UNC5D: variants seen among roughly 807,000 people sequenced by gnomAD.
The protein encoded by UNC5D is netrin receptor UNC5D.
Under a neutral mutation model 105.4 loss-of-function variants are expected in UNC5D, and 39 were observed. The ratio of observed to expected loss-of-function variants is 0.37; its 90% CI spans 0.29 to 0.48. The LOEUF (loss-of-function observed/expected upper bound fraction) is 0.48, where lower values mean the gene tolerates loss of function less well. UNC5D is among the 20% of genes least tolerant of loss of function. The pLI is 0.98. For synonymous variants in UNC5D, 452 were observed against 450.4 expected (o/e 1.00, Z -0.04); for missense variants, 991 against 1,202.4 (o/e 0.82, Z 2.60).
intron 1 of UNC5D, among the ~76,000 whole-genome samples, chr8:35,412,220 T>C (rs1805220655): frequency 6.6e-6 from 1 of 152,032 alleles, no homozygotes; most frequent in Non-Finnish European, 1.5e-5. Context: ...TTATTCTAAT[T>C]TTAGAACCCT....
chr8:35,492,096 C>CT (rs547762251), intron 1 of UNC5D, among the ~76,000 whole-genome samples: 202 of 141,744 alleles, frequency 1.4e-3, no homozygotes, highest in African/African-American at 2.7e-3. Context: ...CACTTTTCTT[C>CT]TTTTTTTTTT....
chr8:35,732,902 G>A (rs750346081), intron 11 of UNC5D, among the ~76,000 whole-genome samples: 10 of 152,090 alleles, frequency 6.6e-5, no homozygotes, highest in Non-Finnish European at 8.8e-5. Flanking sequence ...GAACTCACAA[G>A]AGCCCAAAGA....
chr8:35,329,898 G>A (rs1810480284), intron 1 of UNC5D, among the ~76,000 whole-genome samples: 1 of 152,076 alleles, frequency 6.6e-6, no homozygotes, highest in Admixed American at 6.5e-5. Context: ...TATTCAACTT[G>A]TAATAATAAT....
chr8:35,505,361 A>G (rs919692964), intron 1 of UNC5D, among the ~76,000 whole-genome samples: 1 of 151,878 alleles, frequency 6.6e-6, no homozygotes, highest in Non-Finnish European at 1.5e-5. Flanking sequence ...TCTTAGTACA[A>G]TTGAATGGCC....
intron 1 of UNC5D, among the ~76,000 whole-genome samples, chr8:35,401,921 T>C (rs572828499): frequency 6.6e-6 from 1 of 152,340 alleles, no homozygotes; most frequent in African/African-American, 2.4e-5. Context: ...TGGACTGTGT[T>C]CTTAGTGAGA....
intron 1 of UNC5D, among the ~76,000 whole-genome samples, chr8:35,400,286 G>A (rs974521725): frequency 5.9e-5 from 9 of 151,854 alleles, no homozygotes; most frequent in Admixed American, 5.9e-4. Context: ...AAATCCAAAT[G>A]CATTTTAATA....
chr8:35,488,070 C>T (rs1274422081), intron 1 of UNC5D, among the ~76,000 whole-genome samples: 1 of 152,152 alleles, frequency 6.6e-6, no homozygotes, highest in East Asian at 1.9e-4. Context: ...AAGCAAAAAT[C>T]AGAACATGAA....
At chr8:35,419,251 G>A (rs1805729175) in intron 1 of UNC5D, among the ~76,000 whole-genome samples, 1 of 152,152 alleles carries the variant, frequency 6.6e-6, no homozygotes, top group South Asian at 2.1e-4. Context: ...TTTTGGTGCT[G>A]CTTCACCAGC....
At chr8:35,632,776 G>C (rs1197465509) in intron 4 of UNC5D, among the ~76,000 whole-genome samples, 1 of 152,288 alleles carries the variant, frequency 6.6e-6, no homozygotes, top group East Asian at 1.9e-4. Context: ...GGCCAGAGGG[G>C]CTCAGGCAAG....
intron 1 of UNC5D, among the ~76,000 whole-genome samples, chr8:35,252,858 CATT>C (rs1313449121): frequency 6.6e-6 from 1 of 152,122 alleles, no homozygotes; most frequent in Non-Finnish European, 1.5e-5. Flanking sequence ...GAGTTCCCAT[CATT>C]TTATATTTGT....
chr8:35,610,233 T>G (rs903107855), intron 4 of UNC5D, among the ~76,000 whole-genome samples: 3 of 152,150 alleles, frequency 2.0e-5, no homozygotes, highest in South Asian at 2.1e-4. Flanking sequence ...GAGCCAACTT[T>G]AAAGCTCGAT....
chr8:35,720,509 T>G (rs1273108947), intron 8 of UNC5D, among the ~76,000 whole-genome samples: 5 of 152,226 alleles, frequency 3.3e-5, no homozygotes, highest in Non-Finnish European at 7.3e-5. Flanking sequence ...GCATGATGCA[T>G]CTGCTGTGTT....
intron 1 of UNC5D, among the ~76,000 whole-genome samples, chr8:35,273,349 T>G (rs1805553719): frequency 6.6e-6 from 1 of 152,194 alleles, no homozygotes; most frequent in African/African-American, 2.4e-5. Context: ...CACACATAAA[T>G]AACTGTGAAG....
intron 1 of UNC5D, chr8:35,525,802 T>C: frequency 2.1e-6 from 3 of 1,462,370 alleles, no homozygotes; most frequent in Non-Finnish European, 1.8e-6. Flanking sequence ...ACTAACTTTT[T>C]TGTTTTAATT....
intron 16 of UNC5D, among the ~76,000 whole-genome samples, chr8:35,785,321 T>G (rs1298844759): frequency 6.6e-6 from 1 of 152,156 alleles, no homozygotes; most frequent in Non-Finnish European, 1.5e-5. Context: ...GCAAAATAAT[T>G]CAACTATCTT....
chr8:35,363,006 C>T (rs557117486), intron 1 of UNC5D, among the ~76,000 whole-genome samples: 4 of 152,220 alleles, frequency 2.6e-5, no homozygotes, highest in South Asian at 4.2e-4. Flanking sequence ...AGTCCAATCC[C>T]GGGTCACGTG....
intron 1 of UNC5D, among the ~76,000 whole-genome samples, chr8:35,423,852 C>CT (rs200270722): frequency 0.011 from 1,515 of 135,076 alleles, 14 homozygotes; most frequent in African/African-American, 0.027. Flanking sequence ...ATAAGGAGTA[C>CT]TTTTTTTTTT....
At chr8:35,490,326 G>T (rs1347011826) in intron 1 of UNC5D, among the ~76,000 whole-genome samples, 1 of 152,140 alleles carries the variant, frequency 6.6e-6, no homozygotes, top group East Asian at 1.9e-4. Context: ...AACATAGCAA[G>T]ACCCCATCTC....
intron 4 of UNC5D, among the ~76,000 whole-genome samples, chr8:35,601,203 C>G (rs62505533): frequency 7.2e-5 from 11 of 152,034 alleles, no homozygotes; most frequent in African/African-American, 2.4e-4. Context: ...GTTACTGTAG[C>G]CTTGTAGTAT....
Sources: allele counts gnomAD v4.1 joint callset (sites outside exome capture counted in the v4.1 genomes callset), GRCh38; gene constraint gnomAD v4.1.1; transcripts MANE v1.5; gene names NCBI Gene and HGNC (gene_info 2026-07-23, HGNC 2026-07-21).